CLCN6: variants seen among roughly 807,000 people sequenced by gnomAD.
CLCN6 encodes the protein Cl-/H+ antiporter 6.
A neutral mutation model predicts 109.8 loss-of-function variants in CLCN6; 70 were observed. The observed-to-expected ratio is 0.64, with a 90% CI of 0.53 to 0.78. CLCN6 has a LOEUF of 0.78. Among genes scored for constraint, CLCN6 ranks in the 30% least tolerant of loss-of-function variants. The pLI is 0.00. For synonymous variants in CLCN6, 444 were observed against 447.8 expected, an observed-to-expected ratio of 0.99 and a Z score of 0.11; for missense variants, 984 against 1,142.3, an observed-to-expected ratio of 0.86 and a Z score of 2.00.
Position 11,828,138 on chromosome 1 carries a change from C to T in CLCN6, c.873C>T (p.Leu291=), listed in dbSNP as rs1372003784. 3.1e-6 allele frequency: 5 copies of T among 1,614,212 alleles called. No individual in the cohort carries two copies. The South Asian group carries it at 3.3e-5, about 11-fold the overall frequency. ...GTTCCATGTCTGCCACCTTCACCCTCAACTTCTTCCGTTCTGGGATTCAGT... is the reference window on the plus strand; with the variant it reads ...GTTCCATGTCTGCCACCTTCACCCTTAACTTCTTCCGTTCTGGGATTCAGT... ...LFCSMSATFT[L]NFFRSGIQFG... The change falls in exon 11 of 23, where the codon CTC becomes CTT. Residue 291 remains leucine (L), a synonymous_variant. Coordinates refer to ENST00000346436, the MANE Select transcript of CLCN6 (RefSeq NM_001286.5).
chr1:11,819,887 C>T (rs1490493665), intron 5 of CLCN6, among the ~76,000 whole-genome samples: 1 of 152,010 alleles, frequency 6.6e-6, no homozygotes, highest in Non-Finnish European at 1.5e-5. Context: ...GAGTAAAGGG[C>T]CAAAAGCAGT....
intron 5 of CLCN6, among the ~76,000 whole-genome samples, chr1:11,821,873 A>G (rs60147051): frequency 0.027 from 4,044 of 149,110 alleles, 160 homozygotes; most frequent in African/African-American, 0.094. Context: ...TGTAGATTGT[A>G]AAATAAAAAT....
At chr1:11,818,246 G>A (rs1644699171) in intron 4 of CLCN6, among the ~76,000 whole-genome samples, 1 of 152,108 alleles carries the variant, frequency 6.6e-6, no homozygotes, top group Admixed American at 6.6e-5. Flanking sequence ...ACTCTTTGGA[G>A]CTGCCACTTG....
chr1:11,830,764 T>TACACAC (rs1165865674), intron 13 of CLCN6, among the ~76,000 whole-genome samples: 5 of 115,614 alleles, frequency 4.3e-5, no homozygotes, highest in African/African-American at 1.5e-4. Flanking sequence ...TATATATATA[T>TACACAC]ACACACACAC....
At chr1:11,825,447 A>T (rs1279525293) in intron 8 of CLCN6, among the ~76,000 whole-genome samples, 1 of 152,106 alleles carries the variant, frequency 6.6e-6, no homozygotes, top group African/African-American at 2.4e-5. Context: ...AGCAGAGCAG[A>T]CTCGGTCTTC....
At chr1:11,811,560 T>G (rs1409629437) in intron 2 of CLCN6, among the ~76,000 whole-genome samples, 1 of 152,152 alleles carries the variant, frequency 6.6e-6, no homozygotes, top group African/African-American at 2.4e-5. Flanking sequence ...TTTTGTATTT[T>G]TAGTAGAGAC....
chr1:11,836,901 T>A lies in CLCN6; in HGVS notation c.1981-98T>A, dbSNP rs951787253. On this transcript the variant is annotated intron_variant, in intron 18 of 22. Coordinates refer to ENST00000346436, the MANE Select transcript of CLCN6 (RefSeq NM_001286.5). Reference sequence around the variant, plus strand: ...CCCATTAAGTTCCTGCGTCCGGATGTGCTTCTGACCCTCCCTGTCACCCAA... The same window carrying A: ...CCCATTAAGTTCCTGCGTCCGGATGAGCTTCTGACCCTCCCTGTCACCCAA... The A allele has an allele frequency of 5.0e-6, 7 of 1,413,298 alleles. No individual in the cohort carries two copies. The Admixed American group carries it at 1.1e-4, about 23-fold the overall frequency. The allele number at this position is 1,413,298 out of a possible 1,614,324, so 87.5% of individuals were successfully genotyped here. A position where few individuals can be genotyped will look rare whatever the true frequency, so the allele number is the denominator to read the frequency against.
intron 3 of CLCN6, among the ~76,000 whole-genome samples, chr1:11,816,275 C>A (rs1333341401): frequency 6.6e-6 from 1 of 152,182 alleles, no homozygotes; most frequent in Non-Finnish European, 1.5e-5. Context: ...TTTATATGCA[C>A]TGGGTAACCA....
chr1:11,820,014 A>AT (rs1644721379), intron 5 of CLCN6, among the ~76,000 whole-genome samples: 1 of 152,256 alleles, frequency 6.6e-6, no homozygotes, highest in Non-Finnish European at 1.5e-5. Flanking sequence ...AGATACAGTC[A>AT]TTGAAATTGG....
chr1:11,838,767 G>A, intron 22 of CLCN6, 107 bp downstream of exon 22: 4 of 1,523,508 alleles, frequency 2.6e-6, no homozygotes, highest in Non-Finnish European at 3.6e-6. Context: ...CCCACCAGGA[G>A]GGGAGAGTGT....
chr1:11,827,066 A>G (rs757534945), intron 9 of CLCN6, 23 bp from the exon 10 acceptor site: 123 of 1,611,296 alleles, frequency 7.6e-5, no homozygotes, highest in Non-Finnish European at 1.0e-4. Flanking sequence ...TTATTGGATA[A>G]CCCGTCTCTC....
chr1:11,825,434 C>T lies in CLCN6; in HGVS notation c.649-722C>T, dbSNP rs1644799408. Among the ~76,000 whole-genome samples, 3 of 152,248 alleles carry T rather than the reference C, an allele frequency of 2.0e-5. No individual in the cohort carries two copies. The South Asian group carries it at 6.2e-4, about 31-fold the overall frequency. On this transcript the variant is annotated intron_variant, in intron 8 of 22. Transcript: ENST00000346436. The stretch of plus-strand genomic sequence containing the variant: ...CTGGGCCCTTCTCTTCCTGGCGCTG[C>T]TGAGCAGAGCAGACTCGGTCTTCTG...
rs149492290 is a variant in CLCN6 at position 11,833,891 on chromosome 1, G to A, written c.1387G>A (p.Val463Ile). 2.8e-5 allele frequency: 45 copies of A among 1,610,942 alleles called. No homozygotes were observed. Among genetic ancestry groups the A allele is most frequent in the Admixed American group, 2.0e-4 (12 of 59,010 alleles). Residue 463 changes from valine to isoleucine, a missense_variant, in exon 15 of 23, where the codon GTC (valine) becomes ATC (isoleucine). Coordinates refer to ENST00000346436, the MANE Select transcript of CLCN6 (RefSeq NM_001286.5). ...TTCCCTTGCAGGTACTTTCAGCCCCGTCACTCTGGCCTTGTTCTTCGTTCT... is the reference window on the plus strand; with the variant it reads ...TTCCCTTGCAGGTACTTTCAGCCCCATCACTCTGGCCTTGTTCTTCGTTCT... ...LFHQDGTFSP[V>I]TLALFFVLYF...
chr1:11,825,825 G>A (rs755919451), intron 8 of CLCN6, among the ~76,000 whole-genome samples: 16 of 152,144 alleles, frequency 1.1e-4, no homozygotes, highest in Middle Eastern at 3.2e-3. Flanking sequence ...GTTTTGCCAC[G>A]TTGGCCAGGT....
intron 2 of CLCN6, among the ~76,000 whole-genome samples, chr1:11,812,664 T>TG (rs1644615747): frequency 5.5e-5 from 7 of 127,020 alleles, no homozygotes; most frequent in African/African-American, 1.9e-4. Flanking sequence ...CAAAGTATGT[T>TG]TGTGTGTGTG....
rs763040976 is a variant in CLCN6 at position 11,835,997 on chromosome 1, C to G, written c.1824C>G (p.Asn608Lys). 1.2e-6 allele frequency: 2 copies of G among 1,613,878 alleles called. No homozygotes were observed. The highest frequency in any genetic ancestry group is 4.5e-5 in the East Asian group (2 of 44,854). Residue 608 changes from asparagine (N) to lysine (K), a missense_variant, in exon 18 of 23, where the codon AAC (asparagine) becomes AAG (lysine). Coordinates refer to ENST00000346436, the MANE Select transcript of CLCN6 (RefSeq NM_001286.5). ...GAGCCAGCGACATCATGGAGCCCAA[C>G]CTGACCTACGTCTACCCGCACACCC... ...KLRASDIMEP[N>K]LTYVYPHTRI...
chr1:11,831,068 A>G (rs1160278291), intron 13 of CLCN6, among the ~76,000 whole-genome samples: 3 of 151,786 alleles, frequency 2.0e-5, no homozygotes, highest in African/African-American at 7.3e-5. Context: ...CCTGACCTCA[A>G]GTGATCCACC....
chr1:11,818,016 T>A (rs1273045651), intron 4 of CLCN6, among the ~76,000 whole-genome samples: 1 of 151,952 alleles, frequency 6.6e-6, no homozygotes, highest in East Asian at 1.9e-4. Context: ...AATCCCAGCA[T>A]TTTGAGAGGC....
At chr1:11,811,202 C>A (rs1352556067) in intron 2 of CLCN6, among the ~76,000 whole-genome samples, 1 of 151,532 alleles carries the variant, frequency 6.6e-6, no homozygotes, top group Non-Finnish European at 1.5e-5. Context: ...CAGAGCGAGA[C>A]CCTGACAAAA....
Sources: allele counts gnomAD v4.1 joint callset (sites outside exome capture counted in the v4.1 genomes callset), GRCh38; gene constraint gnomAD v4.1.1; transcripts MANE v1.5; gene names NCBI Gene and HGNC (gene_info 2026-07-23, HGNC 2026-07-21).